EPHA6: variants seen among roughly 807,000 people sequenced by gnomAD.
EPHA6 encodes the protein ephrin type-A receptor 6.
In EPHA6, 50 loss-of-function variants were observed where a neutral mutation model predicts 112.0. That is an observed-to-expected ratio of 0.45 (90% confidence interval 0.36 to 0.56). The LOEUF is 0.56. Ranked by LOEUF, EPHA6 falls within the 20% of genes least tolerant of loss-of-function variation. The probability of loss-of-function intolerance (pLI) is 0.00; values close to 1 mark genes in which losing one functional copy is unlikely to be tolerated. For synonymous variants in EPHA6, 529 were observed against 490.7 expected, an observed-to-expected ratio of 1.08 and a Z score of -1.03; for missense variants, 1,280 against 1,417.4, an observed-to-expected ratio of 0.90 and a Z score of 1.56.
At chr3:96,842,910 A>G (rs902347011) in intron 1 of EPHA6, among the ~76,000 whole-genome samples, 5 of 152,084 alleles carry the variant, frequency 3.3e-5, no homozygotes, top group Non-Finnish European at 5.9e-5. Context: ...TTAAATATCT[A>G]TGCCAGCTTT....
intron 5 of EPHA6, among the ~76,000 whole-genome samples, chr3:97,345,502 A>C (rs189663179): frequency 7.2e-5 from 11 of 152,276 alleles, no homozygotes; most frequent in Non-Finnish European, 1.5e-4. Context: ...TGTGATTCTT[A>C]AGGTGGGCTT....
At chr3:97,300,723 GGGT>G (rs1189449194) in intron 5 of EPHA6, among the ~76,000 whole-genome samples, 1 of 152,052 alleles carries the variant, frequency 6.6e-6, no homozygotes, top group Non-Finnish European at 1.5e-5. Flanking sequence ...AAAGGGACAG[GGGT>G]CAGGGCAAGA....
At position 97,637,886 on chromosome 3, in the gene EPHA6, A is replaced by G; in HGVS notation, c.2588A>G (p.His863Arg). ...ATTCTCTTGCAGAAGCATGATGGCC[A>G]CTTCACAGTCATCCAGTTGGTCGGA... Reference protein sequence around the residue: ...LDSFLRKHDGHFTVIQLVGML... With the variant: ...LDSFLRKHDGRFTVIQLVGML... The change falls in exon 14 of 18, where the codon CAC becomes CGC. Residue 863 changes from histidine to arginine, a missense_variant. Physicochemically the swap from His to Arg is conservative, Grantham distance 29. Around this residue, in one of 4 missense-constraint regions of EPHA6, gnomAD observed 878 missense variants for 999.7 expected, o/e 0.88. Coordinates refer to ENST00000389672, the MANE Select transcript of EPHA6 (RefSeq NM_001080448.3). The G allele has an allele frequency of 6.2e-7, 1 of 1,613,842 alleles. No individual in the cohort carries two copies. The highest frequency in any genetic ancestry group is 8.5e-7 in the Non-Finnish European group (1 of 1,179,764).
At chr3:97,634,211 A>G (rs1221371251) in intron 13 of EPHA6, among the ~76,000 whole-genome samples, 1 of 152,084 alleles carries the variant, frequency 6.6e-6, no homozygotes, top group Non-Finnish European at 1.5e-5. Context: ...CTACGTTTAC[A>G]TCACATCAAT....
At chr3:96,842,985 G>T (rs1320475702) in intron 1 of EPHA6, among the ~76,000 whole-genome samples, 1 of 151,968 alleles carries the variant, frequency 6.6e-6, no homozygotes, top group African/African-American at 2.4e-5. Context: ...ATTTAAAGTG[G>T]TACTCTATGA....
chr3:96,894,976 G>T (rs1321062837), intron 2 of EPHA6, among the ~76,000 whole-genome samples: 1 of 152,114 alleles, frequency 6.6e-6, no homozygotes, highest in African/African-American at 2.4e-5. Flanking sequence ...GAATGTTCAT[G>T]GTGTATTATC....
Position 97,532,530 on chromosome 3 carries a change from G to A in EPHA6, c.2373G>A (p.Gly791=), listed in dbSNP as rs369130484. The change falls in exon 11 of 18, where the codon GGG becomes GGA. Residue 791 remains glycine (G), a synonymous_variant. Coordinates refer to ENST00000389672, the MANE Select transcript of EPHA6 (RefSeq NM_001080448.3). ...ATCCAAACATCATTCGCCTAGAAGG[G>A]GTTGTCACCAAAAGTAAGTTACTGA... ...FDHPNIIRLE[G]VVTKRSFPAI... is the part of the protein sequence containing the mutation. 55 of 1,597,558 alleles carry A rather than the reference G, an allele frequency of 3.4e-5. No homozygotes were observed. In the Middle Eastern group the frequency reaches 1.0e-3, roughly 29 times the overall value.
intron 5 of EPHA6, among the ~76,000 whole-genome samples, chr3:97,250,323 C>T (rs113195919): frequency 0.011 from 1,739 of 152,224 alleles, 34 homozygotes; most frequent in African/African-American, 0.039. Context: ...TCATACATTG[C>T]TAAAGAAATG....
chr3:97,456,457 C>G (rs1055085788), intron 7 of EPHA6, among the ~76,000 whole-genome samples: 1 of 151,988 alleles, frequency 6.6e-6, no homozygotes, highest in African/African-American at 2.4e-5. Context: ...GCTTTGCATG[C>G]ACCTGGCAAG....
intron 3 of EPHA6, among the ~76,000 whole-genome samples, chr3:97,003,795 C>T (rs1325301165): frequency 2.1e-5 from 3 of 145,972 alleles, no homozygotes; most frequent in African/African-American, 5.1e-5. Flanking sequence ...CTCACCCCCC[C>T]ACCCCACAAC....
intron 6 of EPHA6, among the ~76,000 whole-genome samples, chr3:97,418,218 C>A (rs1007844423): frequency 6.6e-6 from 1 of 151,122 alleles, no homozygotes; most frequent in Admixed American, 6.6e-5. Context: ...TCAGTATATA[C>A]TAATAAATGA....
chr3:96,823,000 A>AAT (rs1383915006), intron 1 of EPHA6, among the ~76,000 whole-genome samples: 32 of 151,668 alleles, frequency 2.1e-4, no homozygotes, highest in Non-Finnish European at 4.4e-5. Context: ...TGTACTAGGA[A>AAT]ATAAAAAAGT....
intron 3 of EPHA6, among the ~76,000 whole-genome samples, chr3:97,217,319 A>T (rs1576701896): frequency 6.6e-6 from 1 of 152,324 alleles, no homozygotes; most frequent in East Asian, 1.9e-4. Flanking sequence ...TCAACAAAGA[A>T]GATAAAACAG....
chr3:97,458,043 G>A (rs1040182199), intron 7 of EPHA6, among the ~76,000 whole-genome samples: 14 of 145,272 alleles, frequency 9.6e-5, no homozygotes, highest in Non-Finnish European at 1.3e-4. Context: ...ACTCCAGCCT[G>A]GGCGACAGTG....
chr3:97,616,086 T>C (rs1390562263), intron 13 of EPHA6, among the ~76,000 whole-genome samples: 1 of 152,112 alleles, frequency 6.6e-6, no homozygotes, highest in Admixed American at 6.6e-5. Context: ...TGGCAACAGA[T>C]CCATACCTCC....
chr3:96,985,611 G>A (rs1407721523), intron 2 of EPHA6, among the ~76,000 whole-genome samples: 3 of 152,074 alleles, frequency 2.0e-5, no homozygotes, highest in African/African-American at 7.2e-5. Context: ...GGTAAAAAAT[G>A]TGTGTATTTT....
chr3:96,834,800 A>G (rs542089131), intron 1 of EPHA6, among the ~76,000 whole-genome samples: 1 of 152,028 alleles, frequency 6.6e-6, no homozygotes, highest in African/African-American at 2.4e-5. Context: ...CAATGAATTT[A>G]TTGGAAAATG....
chr3:97,648,440 G>C (rs2094083855), intron 14 of EPHA6: 1 of 1,348,084 alleles, frequency 7.4e-7, no homozygotes, highest in Non-Finnish European at 9.6e-7. Flanking sequence ...TATTTAATGT[G>C]TATTTTAAAG....
intron 17 of EPHA6, among the ~76,000 whole-genome samples, chr3:97,748,069 T>C (rs1365872247): frequency 6.6e-6 from 1 of 152,124 alleles, no homozygotes; most frequent in Non-Finnish European, 1.5e-5. Flanking sequence ...TTGAATCATA[T>C]TAAATTGCCA....
Sources: gnomAD v4.1 joint callset for allele counts (sites outside exome capture counted in the v4.1 genomes callset) on GRCh38, gnomAD v4.1.1 for gene constraint, gnomAD v4.1.1 regional missense constraint, MANE v1.5 for transcripts, NCBI Gene and HGNC (gene_info 2026-07-23, HGNC 2026-07-21) for gene names.